MEF2A: variants seen among roughly 807,000 people sequenced by gnomAD.
The protein encoded by MEF2A is myocyte enhancer factor 2A.
MEF2A carries 28 observed loss-of-function variants against 55.8 expected under a neutral mutation model. The ratio of observed to expected loss-of-function variants is 0.50; its 90% confidence interval spans 0.37 to 0.69. MEF2A has a LOEUF of 0.69. Ranked by LOEUF, MEF2A falls within the 30% of genes least tolerant of loss-of-function variation. MEF2A has a pLI of 0.00. For synonymous variants in MEF2A, 239 were observed against 227.1 expected, an observed-to-expected ratio of 1.05 and a Z score of -0.47; for missense variants, 528 against 626.2, an observed-to-expected ratio of 0.84 and a Z score of 1.67.
intron 2 of MEF2A, among the ~76,000 whole-genome samples, chr15:99,631,972 A>G (rs1396419435): frequency 1.3e-5 from 2 of 152,176 alleles, no homozygotes; most frequent in Admixed American, 6.5e-5. Context: ...TCCCATGGGA[A>G]TGTATTATTA....
chr15:99,675,322 G>T lies in MEF2A; in HGVS notation c.611-77G>T, dbSNP rs1490800639. 8 of 1,212,278 alleles carry T rather than the reference G, an allele frequency of 6.6e-6. 1 individual carries two copies. In the Admixed American group the frequency reaches 1.3e-4, roughly 20 times the overall value. The allele number at this position is 1,212,278 out of a possible 1,614,324, so 75.1% of individuals were successfully genotyped here. On this transcript the variant is annotated intron_variant, in intron 6 of 11. Transcript: ENST00000557942. The stretch of plus-strand genomic sequence containing the variant: ...TTAGAGTGAGAGTTATCTCTATTCA[G>T]TTCACGTTCAGTTAGGTAAAGAGAG...
chr15:99,690,569 T>C (rs1423741707), intron 8 of MEF2A, 141 bp downstream of exon 8: 3 of 817,236 alleles, frequency 3.7e-6, no homozygotes, highest in Non-Finnish European at 2.0e-6. Context: ...AAATTAGTAT[T>C]TGAAGAGACA....
intron 4 of MEF2A, among the ~76,000 whole-genome samples, chr15:99,648,299 T>C (rs965911509): frequency 6.6e-6 from 1 of 152,198 alleles, no homozygotes; most frequent in African/African-American, 2.4e-5. Context: ...GCTTTGCAAG[T>C]TGATCTTATT....
At chr15:99,637,643 T>G (rs984064076) in intron 3 of MEF2A, among the ~76,000 whole-genome samples, 1 of 147,396 alleles carries the variant, frequency 6.8e-6, no homozygotes, top group Non-Finnish European at 1.5e-5. Context: ...TTGTCTGTCT[T>G]TTTTTTTTTT....
intron 2 of MEF2A, among the ~76,000 whole-genome samples, chr15:99,602,133 A>T (rs930465882): frequency 5.3e-5 from 8 of 152,084 alleles, no homozygotes; most frequent in African/African-American, 1.9e-4. Flanking sequence ...CAGGAGTGAA[A>T]GTTTATTAAA....
chr15:99,593,965 C>T lies in MEF2A; in HGVS notation c.-224-4465C>T, dbSNP rs74770655. 2.7e-3 allele frequency among the ~76,000 whole-genome samples: 412 copies of T among 152,220 alleles called. 1 individual carries two copies. Among genetic ancestry groups the T allele is most frequent in the Non-Finnish European group, 5.1e-3 (346 of 68,016 alleles). On this transcript the variant is annotated intron_variant, in intron 1 of 11. Transcript: ENST00000557942. ...TTTTTGTACTCTTTCACACACCACT[C>T]ACCACAGGATACGTTGCCTTCGGTC...
chr15:99,572,010 GA>G lies in MEF2A; in HGVS notation c.-225+5908del, dbSNP rs1242655043. 3.3e-5 allele frequency among the ~76,000 whole-genome samples: 4 copies of G among 122,242 alleles called. No individual in the cohort carries two copies. In the Admixed American group the frequency reaches 3.9e-4, roughly 12 times the overall value. 80.2% of individuals were successfully genotyped at this position (122,242 alleles called of 152,430 possible). A position where few individuals can be genotyped will look rare whatever the true frequency, so the allele number is the denominator to read the frequency against. On this transcript the variant is annotated intron_variant, in intron 1 of 11. Coordinates refer to ENST00000557942, the MANE Select transcript of MEF2A (RefSeq NM_001319206.4). ...TGCTTCTTTTTCTTCTTGCTCCATA[GA>G]AGTTTTTTTTTTTTTTTTTTTCTTC...
intron 1 of MEF2A, among the ~76,000 whole-genome samples, chr15:99,577,429 G>T (rs987262523): frequency 1.3e-5 from 2 of 152,172 alleles, no homozygotes; most frequent in East Asian, 1.9e-4. Flanking sequence ...TCACGGTCAG[G>T]GGGGAGTATG....
At chr15:99,700,817 G>T (rs370877827) in intron 8 of MEF2A, among the ~76,000 whole-genome samples, 5 of 152,168 alleles carry the variant, frequency 3.3e-5, no homozygotes, top group African/African-American at 1.2e-4. Flanking sequence ...GCCAAAACTA[G>T]AACAATTTGA....
chr15:99,635,936 G>A (rs374267558), intron 3 of MEF2A, among the ~76,000 whole-genome samples: 1 of 152,096 alleles, frequency 6.6e-6, no homozygotes, highest in Admixed American at 6.5e-5. Flanking sequence ...ATAGGAGTGC[G>A]GTTGCTGAGT....
Position 99,712,783 on chromosome 15 carries a change from T to C in MEF2A, c.*12T>C, listed in dbSNP as rs1367529144. 1 of 1,550,894 alleles carries C rather than the reference T, an allele frequency of 6.4e-7. No individual in the cohort carries two copies. The highest frequency in any genetic ancestry group is 8.7e-7 in the Non-Finnish European group (1 of 1,146,040). ...CGTGGGTGACCTAAGGCTTCCAAGCTGATGTTTGTACTTTTGTGTTACTGC... is the reference window on the plus strand; with the variant it reads ...CGTGGGTGACCTAAGGCTTCCAAGCCGATGTTTGTACTTTTGTGTTACTGC... On this transcript the variant is annotated 3_prime_UTR_variant, in exon 12 of 12. Transcript: ENST00000557942. This position sits in a 1 kb window ranked among gnomAD's most constrained non-coding sequence, Gnocchi z 4.1.
rs1043243874 is a variant in MEF2A, at chr15:99,657,813, TAGGGGAA to T, written c.258+12052_258+12058del. 1.6e-4 allele frequency among the ~76,000 whole-genome samples: 25 copies of T among 152,156 alleles called. 1 individual carries two copies. Among genetic ancestry groups the T allele is most frequent in the Middle Eastern group, 3.4e-3 (1 of 294 alleles). ...GGAGAGTTATTTAGTACTGAGCAGA[TAGGGGAA>T]AGAAGAGAACACGAAAAGAAAAATA... is the stretch of plus-strand genomic sequence containing the variant. On this transcript the variant is annotated intron_variant, in intron 4 of 11. Transcript: ENST00000557942.
chr15:99,656,342 TA>T (rs2047702707), intron 4 of MEF2A, among the ~76,000 whole-genome samples: 1 of 152,152 alleles, frequency 6.6e-6, no homozygotes, highest in Non-Finnish European at 1.5e-5. Flanking sequence ...GCCTCTGCTG[TA>T]TTGCAGTGTA....
intron 8 of MEF2A, among the ~76,000 whole-genome samples, chr15:99,702,900 C>T (rs963578942): frequency 2.0e-5 from 3 of 152,190 alleles, no homozygotes; most frequent in South Asian, 2.1e-4. Context: ...ATAAAACATA[C>T]AGCAGTTTCT....
chr15:99,653,363 G>A (rs1205989623), intron 4 of MEF2A, among the ~76,000 whole-genome samples: 1 of 152,092 alleles, frequency 6.6e-6, no homozygotes, highest in African/African-American at 2.4e-5. Flanking sequence ...AGAGACTAGG[G>A]ATCTAGATTC....
At chr15:99,576,215 C>T (rs998087465) in intron 1 of MEF2A, among the ~76,000 whole-genome samples, 4 of 152,146 alleles carry the variant, frequency 2.6e-5, no homozygotes, top group African/African-American at 4.8e-5. Context: ...GCTGATTCCT[C>T]GGGCAGTAGT....
intron 2 of MEF2A, among the ~76,000 whole-genome samples, chr15:99,609,981 G>C (rs1976550096): frequency 6.6e-6 from 1 of 152,046 alleles, no homozygotes; most frequent in African/African-American, 2.4e-5. Flanking sequence ...AAAGTAGACA[G>C]CCACTTGGGT....
At chr15:99,595,439 T>C (rs142114832) in intron 1 of MEF2A, among the ~76,000 whole-genome samples, 22 of 152,222 alleles carry the variant, frequency 1.4e-4, no homozygotes, top group African/African-American at 5.3e-4. Context: ...ATTCACCTTG[T>C]ACTATAGGTC....
intron 7 of MEF2A, among the ~76,000 whole-genome samples, chr15:99,688,736 A>G (rs12593181): frequency 0.43 from 65,506 of 151,680 alleles, 15,358 homozygotes; most frequent in Middle Eastern, 0.63. Context: ...CAGCCTGGGC[A>G]ACAGGGCAAG....
Sources: allele counts gnomAD v4.1 joint callset (sites outside exome capture counted in the v4.1 genomes callset), GRCh38; gene constraint gnomAD v4.1.1; non-coding constraint Gnocchi (gnomAD v3.1); transcripts MANE v1.5; gene names NCBI Gene and HGNC (gene_info 2026-07-23, HGNC 2026-07-21).